The following PNPLA8 variants were observed in gnomAD, a reference collection of about 807,000 sequenced individuals.
PNPLA8 encodes calcium-independent phospholipase A2-gamma.
A neutral mutation model predicts 76.9 loss-of-function variants in PNPLA8; 39 were observed. The observed-to-expected ratio is 0.51, with a 90% CI of 0.39 to 0.66. The LOEUF is 0.66. PNPLA8 is among the 30% of genes least tolerant of loss of function. PNPLA8 has a pLI of 0.00. For synonymous variants in PNPLA8, 301 were observed against 307.9 expected, an observed-to-expected ratio of 0.98 and a Z score of 0.24; for missense variants, 887 against 918.0, an observed-to-expected ratio of 0.97 and a Z score of 0.44.
chr7:108,474,576 C>A (rs1230814692), intron 10 of PNPLA8, among the ~76,000 whole-genome samples: 1 of 152,154 alleles, frequency 6.6e-6, no homozygotes. Context: ...TGCATATTAG[C>A]CATGAACGAC....
chr7:108,473,958 C>A (rs1859799835), intron 10 of PNPLA8, among the ~76,000 whole-genome samples: 1 of 152,108 alleles, frequency 6.6e-6, no homozygotes, highest in Admixed American at 6.5e-5. Context: ...ACCCAAAGTG[C>A]TGGGATTACA....
At chr7:108,474,668 G>A (rs1308400187) in intron 10 of PNPLA8, among the ~76,000 whole-genome samples, 2 of 152,160 alleles carry the variant, frequency 1.3e-5, no homozygotes, top group African/African-American at 4.8e-5. Context: ...AATAGTCCCG[G>A]ACCATTTGTT....
chr7:108,488,467 G>A (rs532639880), intron 8 of PNPLA8, among the ~76,000 whole-genome samples: 7 of 152,196 alleles, frequency 4.6e-5, no homozygotes, highest in African/African-American at 1.7e-4. Flanking sequence ...CCAGCTACTC[G>A]GGAGGCTGAG....
chr7:108,497,552 G>T lies in PNPLA8; in HGVS notation c.1384C>A (p.Arg462=), dbSNP rs762607088. Residue 462 remains arginine (R), a synonymous_variant, in exon 6 of 11, where the codon CGA becomes AGA. Coordinates refer to ENST00000257694, the MANE Select transcript of PNPLA8 (RefSeq NM_001256007.3). The part of the protein sequence containing the change: ...TRGVVALQTL[R]KLVELTQKPV... ...TTCTGAGTAAGTTCAACTAATTTTCGTAGGGTCTGGAGAGCAACCACGCCC... is the reference window on the plus strand; with the variant it reads ...TTCTGAGTAAGTTCAACTAATTTTCTTAGGGTCTGGAGAGCAACCACGCCC... The T allele has an allele frequency of 3.7e-6, 6 of 1,610,862 alleles. No individual in the cohort carries two copies. The highest frequency in any genetic ancestry group is 1.1e-5 in the South Asian group (1 of 90,706).
At chr7:108,484,786 C>A (rs190209915) in intron 9 of PNPLA8, among the ~76,000 whole-genome samples, 84 of 152,182 alleles carry the variant, frequency 5.5e-4, no homozygotes, top group African/African-American at 1.9e-3. Flanking sequence ...TTTGTCTGAA[C>A]TATTTGAGGG....
chr7:108,504,846 G>A (rs1450873116), intron 4 of PNPLA8, among the ~76,000 whole-genome samples: 3 of 152,182 alleles, frequency 2.0e-5, no homozygotes, highest in Non-Finnish European at 4.4e-5. Flanking sequence ...GGAAGCCGAG[G>A]TGGGTGGATC....
chr7:108,494,598 C>T (rs1861425770), intron 7 of PNPLA8, among the ~76,000 whole-genome samples: 1 of 152,090 alleles, frequency 6.6e-6, no homozygotes, highest in Non-Finnish European at 1.5e-5. Context: ...TTTCTTTATC[C>T]AATCCACTGT....
chr7:108,490,724 C>T (rs1272927496), intron 8 of PNPLA8, among the ~76,000 whole-genome samples: 26 of 149,560 alleles, frequency 1.7e-4, no homozygotes, highest in Non-Finnish European at 1.0e-4. Flanking sequence ...GCGGAGCTTG[C>T]AGTGAGCCGA....
intron 4 of PNPLA8, among the ~76,000 whole-genome samples, chr7:108,507,199 T>G (rs1461296096): frequency 6.6e-6 from 1 of 151,418 alleles, no homozygotes; most frequent in Non-Finnish European, 1.5e-5. Flanking sequence ...AAAAATTAGC[T>G]GGGCGTGGTG....
chr7:108,480,831 T>C (rs1233217443), intron 9 of PNPLA8: 1 of 295,020 alleles, frequency 3.4e-6, no homozygotes, highest in Non-Finnish European at 7.1e-6. Flanking sequence ...ATTACCACAA[T>C]CAAGATACAG....
chr7:108,507,261 T>A (rs1862510449), intron 4 of PNPLA8, among the ~76,000 whole-genome samples: 2 of 143,530 alleles, frequency 1.4e-5, no homozygotes, highest in Admixed American at 1.5e-4. Flanking sequence ...GAGAATCCCT[T>A]GAACCCCGGA....
chr7:108,502,229 C>T (rs1200201013), intron 5 of PNPLA8, among the ~76,000 whole-genome samples: 7 of 151,236 alleles, frequency 4.6e-5, no homozygotes, highest in Admixed American at 2.0e-4. Context: ...GATCACCTGG[C>T]GTCAGGAGTT....
At position 108,514,364 on chromosome 7, in the gene PNPLA8, T is replaced by C. The variant is rs548918388; in HGVS notation, c.1057-71A>G. ...CTAAAGAACAATGAAAGTTTCTTAGTTCTCATTAGGAAATAAAACTTATAA... is the reference window on the plus strand; with the variant it reads ...CTAAAGAACAATGAAAGTTTCTTAGCTCTCATTAGGAAATAAAACTTATAA... On this transcript the variant is annotated intron_variant, in intron 3 of 10. Transcript: ENST00000257694. 2.6e-5 allele frequency: 40 copies of C among 1,537,534 alleles called. No homozygotes were observed. The East Asian group carries it at 7.0e-4, about 27-fold the overall frequency.
At chr7:108,491,174 G>A (rs1011348977) in intron 8 of PNPLA8, among the ~76,000 whole-genome samples, 3 of 152,148 alleles carry the variant, frequency 2.0e-5, no homozygotes, top group Admixed American at 6.5e-5. Context: ...AGGCGTGGTG[G>A]TGCATGCCTG....
At chr7:108,485,294 C>G (rs924547781) in intron 9 of PNPLA8, among the ~76,000 whole-genome samples, 4 of 152,222 alleles carry the variant, frequency 2.6e-5, no homozygotes, top group South Asian at 2.1e-4. Flanking sequence ...GAGCTACTCA[C>G]AAAGAATTCT....
rs530470968 is a variant in PNPLA8, at chr7:108,482,039, G to T, written c.1879-2660C>A. 6.6e-5 allele frequency among the ~76,000 whole-genome samples: 10 copies of T among 152,226 alleles called. No homozygotes were observed. The South Asian group carries it at 1.9e-3, about 28-fold the overall frequency. On this transcript the variant is annotated intron_variant, in intron 9 of 10. Transcript: ENST00000257694. ...GCCATATATGTGGGAGTCTATTTCT[G>T]AACTCTCTATTTAATTCTATTTATC...
In PNPLA8 at chr7:108,471,605, A is replaced by AC; in HGVS notation, c.*795dup. ...ATGAACAAAAATTAATTTTAAAATG[A>AC]CATTAGCCTTTTAACAACAGATTAT... is the stretch of plus-strand genomic sequence containing the variant. On this transcript the variant is annotated 3_prime_UTR_variant, in exon 11 of 11. Coordinates refer to ENST00000257694, the MANE Select transcript of PNPLA8 (RefSeq NM_001256007.3). 6.6e-6 allele frequency: 1 copy of AC among 152,290 alleles called. No individual in the cohort carries two copies. Among genetic ancestry groups the AC allele is most frequent in the South Asian group, 2.1e-4 (1 of 4,824 alleles). 9.4% of individuals were successfully genotyped at this position (152,290 alleles called of 1,614,324 possible).
intron 4 of PNPLA8, among the ~76,000 whole-genome samples, chr7:108,513,779 A>G (rs1425192707): frequency 6.6e-6 from 1 of 152,170 alleles, no homozygotes; most frequent in African/African-American, 2.4e-5. Context: ...CATGAAATAA[A>G]AACAACAGCC....
Position 108,479,245 on chromosome 7 carries a change from T to C in PNPLA8, c.2013A>G (p.Val671=). Residue 671 remains valine, a synonymous_variant, in exon 10 of 11, where the codon GTA becomes GTG. Coordinates refer to ENST00000257694, the MANE Select transcript of PNPLA8 (RefSeq NM_001256007.3). ...GRYESDVRNT[V]TYTSLKTKLS... is the part of the protein sequence containing the mutation. The stretch of plus-strand genomic sequence containing the variant: ...GTTTAGTTTTCAAGCTTGTGTATGT[T>C]ACCGTGTTTCTCACATCACTCTCAT... The C allele has an allele frequency of 6.2e-7, 1 of 1,613,670 alleles. No homozygotes were observed. The highest frequency in any genetic ancestry group is 2.2e-5 in the East Asian group (1 of 44,872).
Sources: gnomAD v4.1 joint callset for allele counts (sites outside exome capture counted in the v4.1 genomes callset) on GRCh38, gnomAD v4.1.1 for gene constraint, MANE v1.5 for transcripts, NCBI Gene and HGNC (gene_info 2026-07-23, HGNC 2026-07-21) for gene names.